SEC24D: variants seen among roughly 807,000 people sequenced by gnomAD.
SEC24D encodes the protein SEC24 homolog D, COPII component, also known as protein transport protein Sec24D.
SEC24D carries 69 observed loss-of-function variants against 116.9 expected under a neutral mutation model. The observed-to-expected ratio is 0.59, with a 90% CI of 0.49 to 0.72. The LOEUF (loss-of-function observed/expected upper bound fraction) is 0.72, where lower values mean the gene tolerates loss of function less well. Among genes scored for constraint, SEC24D ranks in the 30% least tolerant of loss-of-function variants. The pLI is 0.00. For synonymous variants in SEC24D, 405 were observed against 442.8 expected, an observed-to-expected ratio of 0.91 and a Z score of 1.07; for missense variants, 1,131 against 1,264.1, an observed-to-expected ratio of 0.89 and a Z score of 1.60.
chr4:118,803,503 T>C (rs941431580), intron 7 of SEC24D, among the ~76,000 whole-genome samples: 100 of 152,310 alleles, frequency 6.6e-4, no homozygotes, highest in African/African-American at 2.2e-3. Flanking sequence ...GCTGGGTCAG[T>C]TATCTGGTTG....
intron 6 of SEC24D, among the ~76,000 whole-genome samples, chr4:118,811,063 T>C (rs1186138981): frequency 2.0e-5 from 3 of 152,166 alleles, no homozygotes; most frequent in Non-Finnish European, 2.9e-5. Flanking sequence ...CAGGAAGTCA[T>C]TGGTAATTGG....
intron 13 of SEC24D, among the ~76,000 whole-genome samples, chr4:118,748,928 C>T (rs1384279592): frequency 7.9e-5 from 12 of 151,794 alleles, no homozygotes; most frequent in Admixed American, 7.2e-4. Context: ...CACTTAGGTA[C>T]GTATTATGGA....
chr4:118,742,723 T>A (rs760314623), intron 15 of SEC24D, among the ~76,000 whole-genome samples: 16 of 152,224 alleles, frequency 1.1e-4, no homozygotes, highest in Non-Finnish European at 1.9e-4. Context: ...GTCATTTATG[T>A]TGGAGAATAC....
intron 13 of SEC24D, among the ~76,000 whole-genome samples, chr4:118,746,446 T>C (rs923240256): frequency 2.6e-5 from 4 of 151,894 alleles, no homozygotes; most frequent in Non-Finnish European, 4.4e-5. Flanking sequence ...ATTTTAAGAA[T>C]AGGAAAACTG....
intron 8 of SEC24D, among the ~76,000 whole-genome samples, chr4:118,791,937 G>A (rs534824052): frequency 7.5e-4 from 114 of 152,126 alleles, no homozygotes; most frequent in African/African-American, 2.7e-3. Flanking sequence ...GCCTCTGCCC[G>A]ACCGCCACCC....
At chr4:118,777,814 G>A (rs545203276) in intron 8 of SEC24D, among the ~76,000 whole-genome samples, 23 of 152,226 alleles carry the variant, frequency 1.5e-4, no homozygotes, top group Non-Finnish European at 1.8e-4. Flanking sequence ...TAACTGGCGT[G>A]AGATGGTATC....
At chr4:118,738,432 C>T in intron 18 of SEC24D, 53 bp from the exon 19 acceptor site, 2 of 1,178,934 alleles carry the variant, frequency 1.7e-6, no homozygotes, top group Non-Finnish European at 2.5e-6. Flanking sequence ...ACACTGATCT[C>T]TTCAAATAAT....
rs758679229 is a variant in SEC24D at position 118,815,708 on chromosome 4, G to A, written c.416C>T (p.Pro139Leu). 1.2e-6 allele frequency: 2 copies of A among 1,613,964 alleles called. No individual in the cohort carries two copies. Among genetic ancestry groups the A allele is most frequent in the Non-Finnish European group, 1.7e-6 (2 of 1,180,002 alleles). The part of the protein sequence containing the change: ...INSYGSGMAP[P>L]SQGPPGPLSA... Reference sequence around the variant, plus strand: ...CAGAGGGCCAGGGGGTCCCTGGCTTGGAGGAGCCATGCCTGAACCTGTGTG... The same window carrying A: ...CAGAGGGCCAGGGGGTCCCTGGCTTAGAGGAGCCATGCCTGAACCTGTGTG... Residue 139 changes from proline to leucine, a missense_variant, in exon 5 of 23, where the codon CCA (proline) becomes CTA (leucine). Pro to Leu is a moderately conservative substitution (Grantham distance 98). Transcript: ENST00000280551.
At chr4:118,801,123 A>T (rs943609341) in intron 7 of SEC24D, among the ~76,000 whole-genome samples, 6 of 151,840 alleles carry the variant, frequency 4.0e-5, no homozygotes, top group African/African-American at 1.5e-4. Context: ...TCAGCCGGGC[A>T]TGGTGGCGGG....
chr4:118,812,707 G>A (rs1427150714), intron 6 of SEC24D, among the ~76,000 whole-genome samples: 2 of 152,074 alleles, frequency 1.3e-5, no homozygotes, highest in African/African-American at 4.8e-5. Context: ...ATAAAACCTT[G>A]CACTCATTCT....
At chr4:118,728,978 A>G (rs1725545960) in intron 21 of SEC24D, 1 of 200,468 alleles carries the variant, frequency 5.0e-6, no homozygotes, top group African/African-American at 2.3e-5. Flanking sequence ...CCAACCACAG[A>G]CAAAAATATT....
At chr4:118,734,684 C>T (rs1003340189) in intron 19 of SEC24D, among the ~76,000 whole-genome samples, 3 of 152,186 alleles carry the variant, frequency 2.0e-5, no homozygotes, top group African/African-American at 7.2e-5. Context: ...TTCTAACCGT[C>T]TCAGGCAAAC....
chr4:118,817,432 T>C lies in SEC24D; in HGVS notation c.249-20A>G. The C allele has an allele frequency of 6.3e-7, 1 of 1,594,252 alleles. No individual in the cohort carries two copies. The highest frequency in any genetic ancestry group is 1.1e-5 in the South Asian group (1 of 87,798). ...GGAAATCTGAGAGAGGAAAACAGGA[T>C]GTCAAACAATATCACAGCGTCTCAA... is the stretch of plus-strand genomic sequence containing the variant. On this transcript the variant is annotated intron_variant, in intron 3 of 22. Coordinates refer to ENST00000280551, the MANE Select transcript of SEC24D (RefSeq NM_014822.4).
At chr4:118,750,588 C>G (rs994177216) in intron 13 of SEC24D, among the ~76,000 whole-genome samples, 1 of 152,164 alleles carries the variant, frequency 6.6e-6, no homozygotes, top group African/African-American at 2.4e-5. Context: ...AGTAGAAAGA[C>G]TTGTAGGGTG....
intron 3 of SEC24D, among the ~76,000 whole-genome samples, chr4:118,823,911 T>C (rs544845313): frequency 6.6e-6 from 1 of 152,298 alleles, no homozygotes; most frequent in Non-Finnish European, 1.5e-5. Flanking sequence ...GATTTAATTT[T>C]AAAATACTTA....
intron 7 of SEC24D, among the ~76,000 whole-genome samples, chr4:118,802,981 A>G (rs922593606): frequency 6.6e-6 from 1 of 152,236 alleles, no homozygotes; most frequent in Non-Finnish European, 1.5e-5. Flanking sequence ...TAAGTAAAAT[A>G]AACCAGACAG....
intron 2 of SEC24D, among the ~76,000 whole-genome samples, chr4:118,829,154 G>A (rs1231900056): frequency 1.3e-5 from 2 of 152,042 alleles, no homozygotes; most frequent in East Asian, 1.9e-4. Context: ...ATACTATGAG[G>A]ACTGAGATTA....
rs747020469 is a variant in SEC24D, at chr4:118,744,052, A to G, written c.1931T>C (p.Val644Ala). 1 of 1,613,594 alleles carries G rather than the reference A, an allele frequency of 6.2e-7. No homozygotes were observed. Among genetic ancestry groups the G allele is most frequent in the African/African-American group, 1.3e-5 (1 of 74,906 alleles). Residue 644 changes from valine (V) to alanine (A), a missense_variant, in exon 15 of 23, where the codon GTG becomes GCG. By Grantham distance (64) the Val-to-Ala change is moderately conservative. Coordinates refer to ENST00000280551, the MANE Select transcript of SEC24D (RefSeq NM_014822.4). ...LFLFPSQYVD[V>A]ASLGLVPQLT... is the part of the protein sequence containing the mutation. ...CTGAGGAACCAGCCCCAGCGAGGCC[A>G]CGTCCACATACTGACTAGGAAAGAG... is the stretch of plus-strand genomic sequence containing the variant.
chr4:118,772,726 C>G (rs2110477717), intron 8 of SEC24D, among the ~76,000 whole-genome samples: 1 of 152,212 alleles, frequency 6.6e-6, no homozygotes, highest in East Asian at 1.9e-4. Flanking sequence ...TGCAAAATAA[C>G]AAAGCAACAG....
Sources: allele counts gnomAD v4.1 joint callset (sites outside exome capture counted in the v4.1 genomes callset), GRCh38; gene constraint gnomAD v4.1.1; transcripts MANE v1.5; gene names NCBI Gene and HGNC (gene_info 2026-07-23, HGNC 2026-07-21).